The following FFAR1 variants were observed in gnomAD, a reference collection of about 807,000 sequenced individuals.
The protein encoded by FFAR1 is free fatty acid receptor 1.
For synonymous variants in FFAR1, 216 were observed against 201.5 expected (o/e 1.07, Z -0.61); for missense variants, 424 against 396.2 (o/e 1.07, Z -0.60).
chr19:35,349,830 G>C (rs552253248), upstream of FFAR1, among the ~76,000 whole-genome samples: 1 of 152,166 alleles, frequency 6.6e-6, no homozygotes, highest in Non-Finnish European at 1.5e-5. Context: ...AGAAAGACAC[G>C]GGCACATTGA....
rs769199724 is a variant in FFAR1, at chr19:35,352,237, C to T, written c.686C>T (p.Ala229Val). 32 of 1,561,490 alleles carry T rather than the reference C, an allele frequency of 2.0e-5. No homozygotes were observed. The highest frequency in any genetic ancestry group is 2.7e-5 in the Non-Finnish European group (31 of 1,155,204). ...CGGGCCGCCTGGGTGGCCGGCGGGG[C>T]CCTCCTCACGCTGCTGCTCTGCGTA... is the stretch of plus-strand genomic sequence containing the variant. Residue 229 changes from alanine (A) to valine (V), a missense_variant, in exon 1 of 1, where the codon GCC becomes GTC. Transcript: ENST00000246553.
upstream of FFAR1, among the ~76,000 whole-genome samples, chr19:35,350,516 G>C (rs1049691949): frequency 1.3e-5 from 2 of 152,170 alleles, no homozygotes; most frequent in African/African-American, 4.8e-5. Context: ...GCTGGGGAGG[G>C]AATAGCGCTG....
upstream of FFAR1, among the ~76,000 whole-genome samples, chr19:35,349,630 C>T (rs2066936077): frequency 6.6e-6 from 1 of 152,146 alleles, no homozygotes; most frequent in African/African-American, 2.4e-5. Flanking sequence ...GCTGAGACCC[C>T]CTTGCTGTCC....
chr19:35,348,973 G>A (rs1415216515), upstream of FFAR1, among the ~76,000 whole-genome samples: 1 of 152,192 alleles, frequency 6.6e-6, no homozygotes, highest in African/African-American at 2.4e-5. Flanking sequence ...TTGACCATGA[G>A]ATATGGCCAT....
upstream of FFAR1, among the ~76,000 whole-genome samples, chr19:35,350,617 C>T (rs1448759868): frequency 6.6e-6 from 1 of 152,196 alleles, no homozygotes; most frequent in East Asian, 1.9e-4. Flanking sequence ...CCTCCCTGGC[C>T]CCTCTGTGTT....
chr19:35,351,565 C>T (rs1437193109), exon 1 of FFAR1: 13 of 1,540,498 alleles, frequency 8.4e-6, no homozygotes, highest in East Asian at 2.4e-5. Context: ...GACCTGCCCC[C>T]GCAGCTCTCC....
chr19:35,351,933 G>A lies in FFAR1; in HGVS notation c.382G>A (p.Ala128Thr), dbSNP rs768739078. 15 of 1,614,092 alleles carry A rather than the reference G, an allele frequency of 9.3e-6. No homozygotes were observed. In the South Asian group the frequency reaches 1.6e-4, roughly 18 times the overall value. The stretch of plus-strand genomic sequence containing the variant: ...GCCGTGCTATTCCTGGGGGGTGTGC[G>A]CGGCCATCTGGGCCCTCGTCCTGTG... The change falls in exon 1 of 1, where the codon GCG (alanine) becomes ACG (threonine). Residue 128 changes from alanine to threonine, a missense_variant. Coordinates refer to ENST00000246553, the Ensembl canonical transcript of FFAR1.
At chr19:35,352,442 G>A in exon 1 of FFAR1, 1 of 1,552,822 alleles carries the variant, frequency 6.4e-7, no homozygotes, top group Non-Finnish European at 8.7e-7. Flanking sequence ...AAGGGGGCAA[G>A]TCCCAGAAGT....
upstream of FFAR1, chr19:35,351,455 G>A: frequency 2.7e-6 from 3 of 1,096,174 alleles, no homozygotes; most frequent in Non-Finnish European, 4.0e-6. Context: ...TGGAACCCGC[G>A]AGTGATCCCA....
upstream of FFAR1, among the ~76,000 whole-genome samples, chr19:35,351,137 T>C (rs2066942528): frequency 6.6e-6 from 1 of 152,118 alleles, no homozygotes; most frequent in Non-Finnish European, 1.5e-5. Context: ...CAAACTCCCA[T>C]TCCCAGGGAA....
chr19:35,349,071 C>T (rs561278500), upstream of FFAR1, among the ~76,000 whole-genome samples: 44 of 152,314 alleles, frequency 2.9e-4, no homozygotes, highest in African/African-American at 8.7e-4. Flanking sequence ...AGGCCGCCCT[C>T]CACAACCCCA....
At chr19:35,348,471 C>T (rs1306684973), upstream of FFAR1, among the ~76,000 whole-genome samples, 1 of 152,182 alleles carries the variant, frequency 6.6e-6, no homozygotes, top group African/African-American at 2.4e-5. Context: ...TGGTGATTCA[C>T]ACCTGTAATC....
At chr19:35,348,025 T>C (rs979884280), upstream of FFAR1, among the ~76,000 whole-genome samples, 2 of 152,224 alleles carry the variant, frequency 1.3e-5, no homozygotes, top group Non-Finnish European at 1.5e-5. Context: ...TCTCCACCCA[T>C]TCACCTGCTT....
upstream of FFAR1, among the ~76,000 whole-genome samples, chr19:35,348,223 T>G (rs1385896836): frequency 6.6e-6 from 1 of 152,216 alleles, no homozygotes; most frequent in African/African-American, 2.4e-5. Context: ...AGGGAGGCCT[T>G]GATCGCCCCA....
exon 1 of FFAR1, chr19:35,352,241 C>G: frequency 1.3e-6 from 2 of 1,559,544 alleles, no homozygotes; most frequent in Non-Finnish European, 1.7e-6. Flanking sequence ...GCGGGGCCCT[C>G]CTCACGCTGC....
At chr19:35,352,614 G>A in exon 1 of FFAR1, 1 of 738,896 alleles carries the variant, frequency 1.4e-6, no homozygotes, top group East Asian at 2.7e-5. Context: ...CAGCACCCCA[G>A]TCAAGAGAGG....
chr19:35,351,775 C>T (rs1376995308), exon 1 of FFAR1: 4 of 1,577,528 alleles, frequency 2.5e-6, no homozygotes, highest in Non-Finnish European at 3.4e-6. Context: ...TGGCCTCTGC[C>T]GGCCTCGCTG....
upstream of FFAR1, among the ~76,000 whole-genome samples, chr19:35,350,899 C>T (rs918210668): frequency 1.3e-5 from 2 of 152,356 alleles, no homozygotes; most frequent in African/African-American, 4.8e-5. Flanking sequence ...CCCCAGACCC[C>T]CTGCCCAGGT....
chr19:35,352,496 GCTGCTTCTCCAGGCCC>G (rs1292162082), exon 1 of FFAR1: 2 of 1,533,088 alleles, frequency 1.3e-6, no homozygotes, highest in African/African-American at 2.8e-5. Context: ...GGAGGGCCCG[GCTGCTTCTCCAGGCCC>G]CTGCGGGGGG....
Sources: gnomAD v4.1 joint callset for allele counts (sites outside exome capture counted in the v4.1 genomes callset) on GRCh38, gnomAD v4.1.1 for gene constraint, MANE v1.5 for transcripts, NCBI Gene and HGNC (gene_info 2026-07-23, HGNC 2026-07-21) for gene names.